The following ARF4 variants were observed in gnomAD, a reference collection of about 807,000 sequenced individuals.
ARF4 encodes the protein ADP-ribosylation factor 4.
In ARF4, 5 loss-of-function variants were observed where a neutral mutation model predicts 24.3. The observed-to-expected ratio is 0.21, with a 90% CI of 0.11 to 0.43. ARF4 has a LOEUF of 0.43. Among genes scored for constraint, ARF4 ranks in the 20% least tolerant of loss-of-function variants. The pLI, the probability that ARF4 is intolerant of heterozygous loss-of-function variation, is 1.00. For synonymous variants in ARF4, 62 were observed against 73.5 expected, an observed-to-expected ratio of 0.84 and a Z score of 0.80; for missense variants, 107 against 213.0, an observed-to-expected ratio of 0.50 and a Z score of 3.10.
chr3:57,595,644 T>C (rs967598508), intron 1 of ARF4, among the ~76,000 whole-genome samples: 3 of 152,188 alleles, frequency 2.0e-5, no homozygotes, highest in Non-Finnish European at 4.4e-5. Context: ...TTGATGGTAG[T>C]ACAGCTCTAA....
chr3:57,581,606 GC>G, intron 3 of ARF4, among the ~76,000 whole-genome samples: 1 of 152,144 alleles, frequency 6.6e-6, no homozygotes, highest in East Asian at 1.9e-4. Flanking sequence ...ATCGAGACCA[GC>G]CTGGCTAACA....
chr3:57,573,355 T>C (rs529110553), intron 5 of ARF4, among the ~76,000 whole-genome samples: 1 of 152,282 alleles, frequency 6.6e-6, no homozygotes, highest in Admixed American at 6.5e-5. Context: ...TGTGTGAAAG[T>C]ATCAAAAAAA....
rs764058520 is a variant in ARF4, at chr3:57,579,253, C to CAAAAAAAAAAAAAAAAAAAAAAAAA, written c.259-1867_259-1866insTTTTTTTTTTTTTTTTTTTTTTTTT. 4.2e-5 allele frequency among the ~76,000 whole-genome samples: 2 copies of CAAAAAAAAAAAAAAAAAAAAAAAAA among 47,600 alleles called. 1 individual carries two copies. The highest frequency in any genetic ancestry group is 7.1e-5 in the Non-Finnish European group (2 of 28,198). The allele number at this position is 47,600 out of a possible 152,430, so 31.2% of individuals were successfully genotyped here. On this transcript the variant is annotated intron_variant, in intron 3 of 5. Transcript: ENST00000303436. ...TGGGCGACAAGAGCAAACTACATCTCAAAAAAAAAAAAAAAAAAAAGGAAC... is the reference window on the plus strand; with the variant it reads ...TGGGCGACAAGAGCAAACTACATCTCAAAAAAAAAAAAAAAAAAAAAAAAAAAAAAAAAAAAAAAAAAAAAGGAAC...
At chr3:57,585,238 T>G (rs985618446) in intron 1 of ARF4, among the ~76,000 whole-genome samples, 2 of 152,192 alleles carry the variant, frequency 1.3e-5, no homozygotes, top group Non-Finnish European at 2.9e-5. Context: ...TTCTTAAGAT[T>G]TGTAAAAATA....
intron 3 of ARF4, among the ~76,000 whole-genome samples, chr3:57,579,253 CAA>C (rs764058520): frequency 8.4e-5 from 4 of 47,600 alleles, no homozygotes; most frequent in Non-Finnish European, 1.1e-4. Context: ...AACTACATCT[CAA>C]AAAAAAAAAA....
At chr3:57,596,811 A>G (rs2070193653) in intron 1 of ARF4, 1 of 455,180 alleles carries the variant, frequency 2.2e-6, no homozygotes. Context: ...TCCAGCTTTC[A>G]ATAAGATCAA....
chr3:57,593,210 C>G (rs890941555), intron 1 of ARF4, among the ~76,000 whole-genome samples: 21 of 151,226 alleles, frequency 1.4e-4, no homozygotes, highest in Non-Finnish European at 2.9e-4. Context: ...AACCCTGTCT[C>G]AAAAAATAAA....
intron 1 of ARF4, among the ~76,000 whole-genome samples, chr3:57,589,436 A>G (rs1387100647): frequency 6.6e-6 from 1 of 151,924 alleles, no homozygotes; most frequent in Non-Finnish European, 1.5e-5. Context: ...TCAAACAAAC[A>G]AGGCCGGGCC....
At chr3:57,574,901 T>G (rs1325789934) in intron 5 of ARF4, among the ~76,000 whole-genome samples, 1 of 149,400 alleles carries the variant, frequency 6.7e-6, no homozygotes, top group African/African-American at 2.5e-5. Flanking sequence ...CAGGCTGGAG[T>G]GCAGTGGCGC....
intron 3 of ARF4, among the ~76,000 whole-genome samples, chr3:57,579,486 C>A (rs1034329793): frequency 2.0e-5 from 3 of 151,826 alleles, no homozygotes; most frequent in Non-Finnish European, 4.4e-5. Flanking sequence ...TGAGATTTTA[C>A]TATGTTGGCC....
At chr3:57,587,319 C>CAAAAAAAAAAAAAAAAAAAAAAAAAAAA (rs56787111) in intron 1 of ARF4, among the ~76,000 whole-genome samples, 1 of 45,406 alleles carries the variant, frequency 2.2e-5, no homozygotes, top group African/African-American at 7.7e-5. Flanking sequence ...AACTCAGTCT[C>CAAAAAAAAAAAAAAAAAAAAAAAAAAAA]AAAAAAAAAA....
rs1304983776 is a variant in ARF4, at chr3:57,575,533, C to A, written c.456+15G>T. 6.2e-7 allele frequency: 1 copy of A among 1,602,944 alleles called. No individual in the cohort carries two copies. The highest frequency in any genetic ancestry group is 8.5e-7 in the Non-Finnish European group (1 of 1,175,938). Reference sequence around the variant, plus strand: ...TTAATAGTCAAGAGGTTAATATCAACCTCCAAATACTTACTGTTCTGTTAC... The same window carrying A: ...TTAATAGTCAAGAGGTTAATATCAAACTCCAAATACTTACTGTTCTGTTAC... On this transcript the variant is annotated intron_variant, in intron 5 of 5. Coordinates refer to ENST00000303436, the MANE Select transcript of ARF4 (RefSeq NM_001660.4).
At chr3:57,580,949 A>C (rs1371092727) in intron 3 of ARF4, among the ~76,000 whole-genome samples, 1 of 152,066 alleles carries the variant, frequency 6.6e-6, no homozygotes, top group Non-Finnish European at 1.5e-5. Context: ...TCAGTCCCAA[A>C]GTGACATTAT....
intron 3 of ARF4, among the ~76,000 whole-genome samples, chr3:57,579,853 C>T (rs537225325): frequency 6.6e-6 from 1 of 152,192 alleles, no homozygotes; most frequent in South Asian, 2.1e-4. Flanking sequence ...TCTAATCCCA[C>T]CACTTTGGGA....
Position 57,572,214 on chromosome 3 carries a change from A to G in ARF4, c.541T>C (p.Ter181GlnextTer6), listed in dbSNP as rs1559781566. Residue 181 changes from the stop codon to glutamine, a stop_lost, in exon 6 of 6, where the codon TAA becomes CAA. Coordinates refer to ENST00000303436, the MANE Select transcript of ARF4 (RefSeq NM_001660.4). Reference sequence around the variant, plus strand: ...CTTGGTTAGATATCCAATTTCATTTAACGTTTTGAAAGCTCATTTGACAGC... The same window carrying G: ...CTTGGTTAGATATCCAATTTCATTTGACGTTTTGAAAGCTCATTTGACAGC... ...DWLSNELSKR[*>Q] 6.2e-7 allele frequency: 1 copy of G among 1,612,720 alleles called. No individual in the cohort carries two copies. Among genetic ancestry groups the G allele is most frequent in the Non-Finnish European group, 8.5e-7 (1 of 1,178,766 alleles).
intron 1 of ARF4, among the ~76,000 whole-genome samples, chr3:57,585,894 T>G (rs545759119): frequency 2.6e-5 from 4 of 152,104 alleles, no homozygotes; most frequent in Non-Finnish European, 5.9e-5. Context: ...ACTCCTGACC[T>G]CGGGTGATCT....
intron 4 of ARF4, among the ~76,000 whole-genome samples, chr3:57,576,137 T>C (rs1049796008): frequency 5.3e-5 from 8 of 151,872 alleles, no homozygotes; most frequent in Non-Finnish European, 1.2e-4. Context: ...TCATGAAATA[T>C]ACAAAAAAAA....
In ARF4 at chr3:57,584,372, A is replaced by T; in HGVS notation, c.148+12T>A. Reference sequence around the variant, plus strand: ...CATATCATGATATAAAGTCATCTGTAAACTTTCTTACCAATGGTAGGAATG... The same window carrying T: ...CATATCATGATATAAAGTCATCTGTTAACTTTCTTACCAATGGTAGGAATG... On this transcript the variant is annotated intron_variant, in intron 2 of 5. Coordinates refer to ENST00000303436, the MANE Select transcript of ARF4 (RefSeq NM_001660.4). 1.9e-6 allele frequency: 3 copies of T among 1,585,446 alleles called. No homozygotes were observed. The highest frequency in any genetic ancestry group is 2.6e-6 in the Non-Finnish European group (3 of 1,154,982).
intron 3 of ARF4, among the ~76,000 whole-genome samples, chr3:57,580,435 T>G (rs2069956146): frequency 6.6e-6 from 1 of 152,142 alleles, no homozygotes; most frequent in African/African-American, 2.4e-5. Context: ...AAGGTCTCCT[T>G]TTGTCCCCCA....
Sources: gnomAD v4.1 joint callset for allele counts (sites outside exome capture counted in the v4.1 genomes callset) on GRCh38, gnomAD v4.1.1 for gene constraint, MANE v1.5 for transcripts, NCBI Gene and HGNC (gene_info 2026-07-23, HGNC 2026-07-21) for gene names.